The following GRM1 variants were observed in gnomAD, a reference collection of about 807,000 sequenced individuals.
GRM1 encodes the protein metabotropic glutamate receptor 1.
In GRM1, 33 loss-of-function variants were observed where a neutral mutation model predicts 90.9. The ratio of observed to expected loss-of-function variants is 0.36; its 90% CI spans 0.28 to 0.49. The LOEUF (loss-of-function observed/expected upper bound fraction) is 0.49. Ranked by LOEUF, GRM1 falls within the 20% of genes least tolerant of loss-of-function variation. The probability of loss-of-function intolerance (pLI) is 0.99; values close to 1 mark genes in which losing one functional copy is unlikely to be tolerated. For missense variants in GRM1, 1,190 were observed against 1,534.3 expected (o/e 0.78, Z 3.75); for synonymous variants, 700 against 613.2 (o/e 1.14, Z -2.09).
chr6:146,415,858 G>A (rs1777763137), intron 7 of GRM1, among the ~76,000 whole-genome samples: 1 of 152,040 alleles, frequency 6.6e-6, no homozygotes, highest in Non-Finnish European at 1.5e-5. Context: ...TGTATCAGTT[G>A]AAATGATTAT....
At chr6:146,382,709 T>C (rs972253409) in intron 5 of GRM1, among the ~76,000 whole-genome samples, 1 of 152,166 alleles carries the variant, frequency 6.6e-6, no homozygotes, top group Non-Finnish European at 1.5e-5. Context: ...GAAGTTATAT[T>C]TCAAAGGTAT....
chr6:146,307,827 A>G (rs1783633315), intron 3 of GRM1, among the ~76,000 whole-genome samples: 1 of 152,230 alleles, frequency 6.6e-6, no homozygotes, highest in South Asian at 2.1e-4. Flanking sequence ...TAAAGAGTTT[A>G]TGTGCACTAG....
chr6:146,160,363 G>T (rs910572813), intron 2 of GRM1, among the ~76,000 whole-genome samples: 2 of 152,174 alleles, frequency 1.3e-5, no homozygotes, highest in African/African-American at 4.8e-5. Context: ...TACTTGTTTG[G>T]CAATAGATGG....
At chr6:146,322,683 T>C (rs889410351) in intron 3 of GRM1, among the ~76,000 whole-genome samples, 1 of 152,000 alleles carries the variant, frequency 6.6e-6, no homozygotes, top group Non-Finnish European at 1.5e-5. Context: ...ACATGTGCCA[T>C]GTTGGTGTGC....
At chr6:146,263,635 C>A (rs1035502894) in intron 2 of GRM1, among the ~76,000 whole-genome samples, 1 of 152,022 alleles carries the variant, frequency 6.6e-6, no homozygotes, top group Non-Finnish European at 1.5e-5. Flanking sequence ...ACAATATTTT[C>A]TATGTCTGTC....
intron 2 of GRM1, among the ~76,000 whole-genome samples, chr6:146,234,984 C>A (rs767484130): frequency 2.0e-5 from 3 of 152,164 alleles, no homozygotes; most frequent in Non-Finnish European, 4.4e-5. Context: ...AATCTTCCTA[C>A]CTCAGTCTCC....
At chr6:146,149,479 T>C (rs1411722942) in intron 1 of GRM1, among the ~76,000 whole-genome samples, 1 of 152,224 alleles carries the variant, frequency 6.6e-6, no homozygotes, top group African/African-American at 2.4e-5. Context: ...CTTTTCTTTG[T>C]TCTGGGAAAT....
chr6:146,043,154 G>C (rs975590258), intron 1 of GRM1, among the ~76,000 whole-genome samples: 1 of 151,932 alleles, frequency 6.6e-6, no homozygotes, highest in Non-Finnish European at 1.5e-5. Flanking sequence ...AAATAACCGT[G>C]CATGGTGGCG....
intron 1 of GRM1, among the ~76,000 whole-genome samples, chr6:146,066,523 G>A (rs1426059009): frequency 1.3e-5 from 2 of 152,160 alleles, no homozygotes; most frequent in Non-Finnish European, 2.9e-5. Flanking sequence ...ACATATGGTT[G>A]CATGTGTCTT....
At chr6:146,370,519 T>C (rs1213670949) in intron 5 of GRM1, among the ~76,000 whole-genome samples, 2 of 152,118 alleles carry the variant, frequency 1.3e-5, no homozygotes, top group Non-Finnish European at 2.9e-5. Context: ...TCTAGAGATA[T>C]ACTTAATCCA....
Position 146,302,329 on chromosome 6 carries a change from A to G in GRM1, c.951-2282A>G, listed in dbSNP as rs74503951. ...GCAGGCACACGTGTCATATCTGCAC[A>G]CTAGATTAAGTTAAACCCCCAAGCT... is the stretch of plus-strand genomic sequence containing the variant. On this transcript the variant is annotated intron_variant, in intron 2 of 7. Coordinates refer to ENST00000282753, the MANE Select transcript of GRM1 (RefSeq NM_001278064.2). 9.3e-3 allele frequency among the ~76,000 whole-genome samples: 1,383 copies of G among 148,270 alleles called. 15 individuals are homozygous for G. The highest frequency in any genetic ancestry group is 0.033 in the African/African-American group (1,332 of 40,068).
At chr6:146,348,839 T>A (rs2115033117) in intron 3 of GRM1, among the ~76,000 whole-genome samples, 1 of 152,244 alleles carries the variant, frequency 6.6e-6, no homozygotes, top group South Asian at 2.1e-4. Flanking sequence ...CAGAAAAGCT[T>A]CTCCTCTGTA....
At chr6:146,405,592 G>A (rs1777316837) in intron 7 of GRM1, among the ~76,000 whole-genome samples, 1 of 152,194 alleles carries the variant, frequency 6.6e-6, no homozygotes, top group African/African-American at 2.4e-5. Flanking sequence ...TTCCCATTGA[G>A]TCACAGACAG....
chr6:146,379,992 C>G (rs1381656175), intron 5 of GRM1, among the ~76,000 whole-genome samples: 1 of 151,938 alleles, frequency 6.6e-6, no homozygotes, highest in Non-Finnish European at 1.5e-5. Flanking sequence ...CCACCTAAAG[C>G]TGTGAGTGGA....
intron 2 of GRM1, among the ~76,000 whole-genome samples, chr6:146,203,492 T>C (rs1323315120): frequency 6.6e-6 from 1 of 152,164 alleles, no homozygotes; most frequent in Admixed American, 6.5e-5. Context: ...AACTAGAACT[T>C]AGCCTAATTG....
rs760585252 is a variant in GRM1 at position 146,352,453 on chromosome 6, G to C, written c.1390G>C (p.Gly464Arg). The C allele has an allele frequency of 6.2e-7, 1 of 1,613,458 alleles. No individual in the cohort carries two copies. Among genetic ancestry groups the C allele is most frequent in the African/African-American group, 1.3e-5 (1 of 74,908 alleles). Residue 464 changes from glycine to arginine, a missense_variant, in exon 4 of 8, where the codon GGA (glycine) becomes CGA (arginine). Physicochemically the swap from Gly to Arg is moderately radical, Grantham distance 125. This residue lies in a region of GRM1 where 414 missense variants were observed against 598.4 expected (regional missense o/e 0.69). Coordinates refer to ENST00000282753, the MANE Select transcript of GRM1 (RefSeq NM_001278064.2). ...CAAGTCCTCATTCATTGGAGTATCT[G>C]GAGAGGAGGTGTGGTTTGATGAGAA... ...LIKSSFIGVS[G>R]EEVWFDEKGD...
chr6:146,068,349 A>G (rs190749411), intron 1 of GRM1, among the ~76,000 whole-genome samples: 8 of 152,234 alleles, frequency 5.3e-5, no homozygotes, highest in Non-Finnish European at 7.4e-5. Context: ...TCCTGACCTC[A>G]TGATCCGCCC....
Position 146,115,935 on chromosome 6 carries a change from A to AATATATC in GRM1, c.701-43413_701-43412insATATATC, listed in dbSNP as rs1449142303. On this transcript the variant is annotated intron_variant, in intron 1 of 7. Transcript: ENST00000282753. ...TGTCTTATTGTATTGGCTATGTACA[A>AATATATC]TTCTTTGTAATTACATTCATAGTAG... 2.0e-5 allele frequency among the ~76,000 whole-genome samples: 3 copies of AATATATC among 152,234 alleles called. No individual in the cohort carries two copies. In the South Asian group the frequency reaches 6.2e-4, roughly 32 times the overall value.
At chr6:146,330,238 T>C (rs1282034351) in intron 3 of GRM1, among the ~76,000 whole-genome samples, 1 of 152,204 alleles carries the variant, frequency 6.6e-6, no homozygotes, top group African/African-American at 2.4e-5. Flanking sequence ...TGGTTTTCTT[T>C]TTTCTTGTTA....
Sources: allele counts gnomAD v4.1 joint callset (sites outside exome capture counted in the v4.1 genomes callset), GRCh38; gene constraint gnomAD v4.1.1; regional missense constraint gnomAD v4.1.1; transcripts MANE v1.5; gene names NCBI Gene and HGNC (gene_info 2026-07-23, HGNC 2026-07-21).